Variants in SYNE2 observed in about 807,000 individuals in gnomAD.
The protein encoded by SYNE2 is spectrin repeat containing nuclear envelope protein 2.
Under a neutral mutation model 856.3 loss-of-function variants are expected in SYNE2, and 431 were observed. The observed-to-expected ratio is 0.50, with a 90% confidence interval of 0.47 to 0.55. The LOEUF is 0.55. Ranked by LOEUF, SYNE2 falls within the 20% of genes least tolerant of loss-of-function variation. The pLI is 0.00. For synonymous variants in SYNE2, 2,923 were observed against 2,872.3 expected, an observed-to-expected ratio of 1.02 and a Z score of -0.56; for missense variants, 8,129 against 8,023.2, an observed-to-expected ratio of 1.01 and a Z score of -0.50.
chr14:63,843,968 G>A (rs1242862471), intron 1 of SYNE2, among the ~76,000 whole-genome samples: 1 of 152,090 alleles, frequency 6.6e-6, no homozygotes, highest in Non-Finnish European at 1.5e-5. Flanking sequence ...CATGCACACA[G>A]CTTTCCCCGC....
intron 64 of SYNE2, among the ~76,000 whole-genome samples, chr14:64,102,823 C>G (rs943673575): frequency 2.0e-5 from 3 of 152,096 alleles, no homozygotes; most frequent in African/African-American, 7.2e-5. Flanking sequence ...CCCCCAACAG[C>G]CCTGGTAACC....
chr14:64,113,137 T>G (rs191377272), intron 65 of SYNE2: 43 of 985,434 alleles, frequency 4.4e-5, no homozygotes, highest in African/African-American at 3.7e-4. Context: ...ACCTGCTTAC[T>G]CGCAGATCGG....
chr14:64,136,656 G>T (rs551353610), intron 78 of SYNE2, among the ~76,000 whole-genome samples: 1 of 152,042 alleles, frequency 6.6e-6, no homozygotes, highest in East Asian at 1.9e-4. Context: ...TTTTCTTTCC[G>T]TGAAGTTGGA....
At chr14:63,945,277 A>C (rs989677292) in intron 6 of SYNE2, among the ~76,000 whole-genome samples, 3 of 152,138 alleles carry the variant, frequency 2.0e-5, no homozygotes, top group African/African-American at 7.2e-5. Context: ...GAACTTTGCC[A>C]GCATCCCTAA....
chr14:64,104,448 T>C (rs796683423), intron 64 of SYNE2, among the ~76,000 whole-genome samples: 3 of 75,090 alleles, frequency 4.0e-5, no homozygotes, highest in South Asian at 4.0e-4. Context: ...TGTTTTCTCT[T>C]TTTTTTTTTT....
rs779457100 is a variant in SYNE2, at chr14:64,129,815, G to T, written c.14053G>T (p.Ala4685Ser). 5 of 1,614,020 alleles carry T rather than the reference G, an allele frequency of 3.1e-6. No individual in the cohort carries two copies. Among genetic ancestry groups the T allele is most frequent in the Non-Finnish European group, 4.2e-6 (5 of 1,180,026 alleles). Residue 4685 changes from alanine to serine, a missense_variant, in exon 75 of 116, where the codon GCC becomes TCC. By Grantham distance (99) the Ala-to-Ser change is moderately conservative. Coordinates refer to ENST00000555002, the MANE Select transcript of SYNE2 (RefSeq NM_182914.3). ...ADAYTVELEN[A>S]ESRVAKLRDE... ...TGCATATACAGTGGAGCTGGAGAAC[G>T]CCGAGAGCCGAGTGGCCAAACTAAG...
At chr14:64,088,236 G>A (rs1255951) in intron 58 of SYNE2, among the ~76,000 whole-genome samples, 128,574 of 152,178 alleles carry the variant, frequency 0.84, 55,686 homozygotes, top group Non-Finnish European at 0.94. Context: ...CAATGTGAAG[G>A]CACATTGATC....
chr14:64,095,125 A>C (rs369932240), intron 61 of SYNE2: 23 of 170,542 alleles, frequency 1.3e-4, no homozygotes, highest in African/African-American at 5.5e-4. Flanking sequence ...TAATGGACAG[A>C]TGTGGGTGCT....
intron 1 of SYNE2, among the ~76,000 whole-genome samples, chr14:63,794,615 AAAG>A: frequency 6.6e-6 from 1 of 152,372 alleles, no homozygotes; most frequent in Non-Finnish European, 1.5e-5. Flanking sequence ...ACATTTCACT[AAAG>A]AAAATATATA....
chr14:64,168,973 T>TGAGC lies in SYNE2; in HGVS notation c.17000+3_17000+6dup. 6.2e-7 allele frequency: 1 copy of TGAGC among 1,611,336 alleles called. No individual in the cohort carries two copies. The highest frequency in any genetic ancestry group is 8.5e-7 in the Non-Finnish European group (1 of 1,177,478). ...GGACACAACAGAAATAGAGAACAGGTGAGCTGTCTGGGCCTCATGAAGGTT... is the reference window on the plus strand; with the variant it reads ...GGACACAACAGAAATAGAGAACAGGTGAGCGAGCTGTCTGGGCCTCATGAAGGTT... On this transcript the variant is annotated splice_region_variant and intron_variant, in intron 93 of 115. Transcript: ENST00000555002.
chr14:64,173,954 ACT>A (rs774258692), intron 94 of SYNE2: 12 of 696,666 alleles, frequency 1.7e-5, no homozygotes, highest in Admixed American at 1.0e-4. Flanking sequence ...GACCTTCGCT[ACT>A]CTCTGCACAC....
rs769948266 is a variant in SYNE2, at chr14:64,021,947, A to G, written c.5443A>G (p.Lys1815Glu). The stretch of plus-strand genomic sequence containing the variant: ...TCTGACTCCTGAACTCTCTGAATTG[A>G]AAAAGCAATATGAAAGTGTCAGTGA... Reference protein sequence around the residue: ...GCLTPELSELKKQYESVSDLF... With the variant: ...GCLTPELSELEKQYESVSDLF... Residue 1815 changes from lysine to glutamate, a missense_variant, in exon 37 of 116, where the codon AAA (lysine) becomes GAA (glutamate). Physicochemically the swap from Lys to Glu is moderately conservative, Grantham distance 56. This residue lies in a region of SYNE2 where 2,422 missense variants were observed against 2,357.4 expected (regional missense o/e 1.03). Transcript: ENST00000555002. 6.2e-7 allele frequency: 1 copy of G among 1,613,950 alleles called. No homozygotes were observed. Among genetic ancestry groups the G allele is most frequent in the Non-Finnish European group, 8.5e-7 (1 of 1,179,880 alleles).
At chr14:63,827,574 G>A (rs1426768616) in intron 1 of SYNE2, among the ~76,000 whole-genome samples, 2 of 118,518 alleles carry the variant, frequency 1.7e-5, no homozygotes, top group Non-Finnish European at 3.2e-5. Context: ...GTGGTGAGTC[G>A]AGATCGTGTC....
chr14:64,098,475 A>C (rs757728652), intron 62 of SYNE2: 4 of 586,676 alleles, frequency 6.8e-6, no homozygotes, highest in African/African-American at 1.9e-5. Context: ...CCCAGTGCCT[A>C]AGTCTTCTCT....
Position 64,139,809 on chromosome 14 carries a change from T to C in SYNE2, c.14844-132T>C, listed in dbSNP as rs2098125908. On this transcript the variant is annotated intron_variant, in intron 79 of 115. Transcript: ENST00000555002. ...AAACATGATATAATCCTTATTAACG[T>C]CATGATATTCTGAATGTTAGGACTG... 3 of 908,630 alleles carry C rather than the reference T, an allele frequency of 3.3e-6. No homozygotes were observed. In the South Asian group the frequency reaches 4.0e-5, roughly 12 times the overall value. The allele number at this position is 908,630 out of a possible 1,614,324, so 56.3% of individuals were successfully genotyped here.
At chr14:63,813,869 T>C (rs911399088) in intron 1 of SYNE2, among the ~76,000 whole-genome samples, 22 of 152,260 alleles carry the variant, frequency 1.4e-4, no homozygotes, top group Middle Eastern at 3.4e-3. Context: ...CTGGCCAATA[T>C]GGTGAAACCA....
chr14:64,101,845 TG>T, intron 63 of SYNE2, 86 bp from the exon 64 acceptor site: 1 of 923,136 alleles, frequency 1.1e-6, no homozygotes, highest in Admixed American at 1.9e-5. Flanking sequence ...AAGTTGAGTC[TG>T]GTATAAAAGA....
intron 11 of SYNE2, among the ~76,000 whole-genome samples, chr14:63,969,523 A>T (rs570381995): frequency 2.6e-5 from 4 of 151,534 alleles, no homozygotes; most frequent in Non-Finnish European, 5.9e-5. Context: ...TTGTATTTTT[A>T]ATAGAGACGG....
At chr14:64,221,964 A>T (rs887262569) in intron 112 of SYNE2, among the ~76,000 whole-genome samples, 16 of 152,206 alleles carry the variant, frequency 1.1e-4, no homozygotes, top group Middle Eastern at 3.4e-3. Context: ...ATCCTGAGGA[A>T]CTTAAGGCCA....
Sources: gnomAD v4.1 joint callset for allele counts (sites outside exome capture counted in the v4.1 genomes callset) on GRCh38, gnomAD v4.1.1 for gene constraint, gnomAD v4.1.1 regional missense constraint, MANE v1.5 for transcripts, NCBI Gene and HGNC (gene_info 2026-07-23, HGNC 2026-07-21) for gene names.